The following HERC3 variants were observed in gnomAD, a reference collection of about 807,000 sequenced individuals.
The protein encoded by HERC3 is probable E3 ubiquitin-protein ligase HERC3.
In HERC3, 58 loss-of-function variants were observed where a neutral mutation model predicts 129.9. That is an observed-to-expected ratio of 0.45 (90% CI 0.36 to 0.56). The LOEUF is 0.56. Among genes scored for constraint, HERC3 ranks in the 20% least tolerant of loss-of-function variants. The pLI, the probability that HERC3 is intolerant of heterozygous loss-of-function variation, is 0.00. For missense variants in HERC3, 835 were observed against 1,244.2 expected, an observed-to-expected ratio of 0.67 and a Z score of 4.95; for synonymous variants, 430 against 451.0, an observed-to-expected ratio of 0.95 and a Z score of 0.59.
the HERC3 span, among the ~76,000 whole-genome samples, chr4:88,548,673 T>G: frequency 6.6e-6 from 1 of 151,722 alleles, no homozygotes; most frequent in Non-Finnish European, 1.5e-5. Context: ...TCTTTTTTTT[T>G]TTTTTGAGAT....
rs74404435 is a variant in HERC3 at position 88,703,840 on chromosome 4, C to A, written c.2658-258C>A. Among the ~76,000 whole-genome samples the A allele has an allele frequency of 4.4e-3, 663 of 152,270 alleles. 10 individuals carry two copies. The highest frequency in any genetic ancestry group is 0.015 in the African/African-American group (630 of 41,544). ...CTCAGGTAAAGCCAGTAGTTTAGTT[C>A]TATATACCTGGCCTGCTGCCCTTCC... On this transcript the variant is annotated intron_variant, in intron 23 of 25. Transcript: ENST00000402738.
At chr4:88,569,019 C>T in the HERC3 span, among the ~76,000 whole-genome samples, 1 of 152,086 alleles carries the variant, frequency 6.6e-6, no homozygotes, top group African/African-American at 2.4e-5. Flanking sequence ...TCTGAGCCCA[C>T]CACAGCACCA....
intron 10 of HERC3, 116 bp downstream of exon 10, chr4:88,658,607 A>G (rs995415314): frequency 9.8e-6 from 5 of 509,206 alleles, no homozygotes; most frequent in Non-Finnish European, 1.7e-5. Context: ...TACCAATCCT[A>G]TGTTATTTTT....
At chr4:88,687,356 A>G in intron 23 of HERC3, 57 bp downstream of exon 23, 1 of 1,147,850 alleles carries the variant, frequency 8.7e-7, no homozygotes, top group Non-Finnish European at 1.3e-6. Flanking sequence ...CTGCAGTTTT[A>G]CATTTAAGAC....
the HERC3 span, among the ~76,000 whole-genome samples, chr4:88,543,361 G>A: frequency 5.9e-5 from 9 of 151,968 alleles, no homozygotes; most frequent in Non-Finnish European, 1.2e-4. Context: ...AAAATACCTC[G>A]GAATCAAACT....
the HERC3 span, among the ~76,000 whole-genome samples, chr4:88,582,233 A>T: frequency 9.9e-5 from 15 of 152,104 alleles, no homozygotes; most frequent in East Asian, 1.9e-4. Flanking sequence ...TTTAAAAAAA[A>T]TTTTTTTTAA....
chr4:88,697,440 C>T (rs903044083), intron 23 of HERC3: 9 of 1,614,104 alleles, frequency 5.6e-6, no homozygotes, highest in Non-Finnish European at 5.9e-6. Flanking sequence ...ACTTTTTTTC[C>T]AGAGCCTGAA....
chr4:88,628,067 G>T (rs1166698561), intron 3 of HERC3, among the ~76,000 whole-genome samples: 1 of 152,132 alleles, frequency 6.6e-6, no homozygotes, highest in Non-Finnish European at 1.5e-5. Flanking sequence ...AGTTGAAGTT[G>T]GATGATAGTA....
chr4:88,623,164 A>C (rs1489922748), intron 3 of HERC3, among the ~76,000 whole-genome samples: 1 of 152,216 alleles, frequency 6.6e-6, no homozygotes. Flanking sequence ...GCAACTTCAG[A>C]TTTCTGGTCG....
intron 23 of HERC3, chr4:88,697,813 T>C: frequency 6.6e-7 from 1 of 1,512,752 alleles, no homozygotes; most frequent in Non-Finnish European, 8.8e-7. Context: ...GCACCCGAGC[T>C]GGTCCAGAGA....
At chr4:88,610,475 C>G (rs1017433437) in intron 3 of HERC3, among the ~76,000 whole-genome samples, 18 of 141,492 alleles carry the variant, frequency 1.3e-4, no homozygotes, top group Admixed American at 7.8e-4. Flanking sequence ...AAAAAAAGAA[C>G]GCCTTACCCG....
intron 21 of HERC3, among the ~76,000 whole-genome samples, chr4:88,684,378 A>G (rs1029141117): frequency 3.9e-5 from 6 of 152,194 alleles, no homozygotes; most frequent in African/African-American, 1.2e-4. Context: ...AGGATTCCCT[A>G]TTTAATAAAT....
At chr4:88,580,519 T>C in the HERC3 span, among the ~76,000 whole-genome samples, 5 of 151,756 alleles carry the variant, frequency 3.3e-5, no homozygotes, top group Non-Finnish European at 5.9e-5. Flanking sequence ...TGTCTCAATT[T>C]AAAAAAAGGA....
chr4:88,704,724 A>G (rs1735624284), intron 25 of HERC3, 114 bp downstream of exon 25: 8 of 674,580 alleles, frequency 1.2e-5, no homozygotes, highest in Non-Finnish European at 2.1e-5. Flanking sequence ...AAGACCAGGT[A>G]ATTCACTATA....
the HERC3 span, among the ~76,000 whole-genome samples, chr4:88,553,003 A>C: frequency 1.3e-5 from 2 of 152,234 alleles, no homozygotes; most frequent in Non-Finnish European, 2.9e-5. Flanking sequence ...GATTCAAAAA[A>C]ATTAATTTGA....
chr4:88,553,015 C>T, the HERC3 span, among the ~76,000 whole-genome samples: 1 of 152,214 alleles, frequency 6.6e-6, no homozygotes, highest in South Asian at 2.1e-4. Flanking sequence ...TTAATTTGAC[C>T]AAATGAATTT....
At chr4:88,532,083 C>T in the HERC3 span, among the ~76,000 whole-genome samples, 1 of 152,142 alleles carries the variant, frequency 6.6e-6, no homozygotes, top group Non-Finnish European at 1.5e-5. Flanking sequence ...CCTGACTGGT[C>T]AACTACCCCA....
At chr4:88,525,128 A>T in the HERC3 span, 11 of 152,130 alleles carry the variant, frequency 7.2e-5, no homozygotes, top group African/African-American at 2.7e-4. Context: ...AAACACTTCT[A>T]CTGGATAGAT....
chr4:88,691,594 C>G (rs538401277), intron 23 of HERC3, among the ~76,000 whole-genome samples: 1 of 152,306 alleles, frequency 6.6e-6, no homozygotes, highest in Non-Finnish European at 1.5e-5. Context: ...TTCATGGTTA[C>G]TGCTGTACTC....
Sources: allele counts gnomAD v4.1 joint callset (sites outside exome capture counted in the v4.1 genomes callset), GRCh38; gene constraint gnomAD v4.1.1; transcripts MANE v1.5; gene names NCBI Gene and HGNC (gene_info 2026-07-23, HGNC 2026-07-21).